The following FLACC1 variants were observed in gnomAD, a reference collection of about 807,000 sequenced individuals.
FLACC1 encodes the protein flagellum associated containing coiled-coil domains 1, also known as flagellum-associated coiled-coil domain-containing protein 1.
Under a neutral mutation model 62.8 loss-of-function variants are expected in FLACC1, and 66 were observed. The ratio of observed to expected loss-of-function variants is 1.05; its 90% CI spans 0.86 to 1.29. The LOEUF is 1.29. Ranked by LOEUF, FLACC1 falls within the 50% of genes most tolerant of loss-of-function variation. FLACC1 has a pLI of 0.00. For missense variants in FLACC1, 452 were observed against 489.1 expected, an observed-to-expected ratio of 0.92 and a Z score of 0.71; for synonymous variants, 156 against 161.0, an observed-to-expected ratio of 0.97 and a Z score of 0.24.
Position 201,290,891 on chromosome 2 carries a change from T to A in FLACC1, c.943-1106A>T, listed in dbSNP as rs893935734. On this transcript the variant is annotated intron_variant, in intron 12 of 14. Transcript: ENST00000392257. ...ACACCAGAAGATTGTATCCCATGCC[T>A]GGCTCATAAGGTCCTACGCCCACGG... Among the ~76,000 whole-genome samples, 7 of 152,356 alleles carry A rather than the reference T, an allele frequency of 4.6e-5. No homozygotes were observed. The East Asian group carries it at 1.3e-3, about 29-fold the overall frequency.
rs748422130 is a variant in FLACC1 at position 201,309,211 on chromosome 2, G to T, written c.715C>A (p.Gln239Lys). The T allele has an allele frequency of 4.3e-6, 7 of 1,614,064 alleles. No homozygotes were observed. The South Asian group carries it at 6.6e-5, about 15-fold the overall frequency. ...TCATCCTTCTTCCATTTCGCCTTCT[G>T]TTTTGACCACTTCTCTTCCATTTCA... Reference protein sequence around the residue: ...YDEMEEKWSKQKAKWKKDEKF... With the variant: ...YDEMEEKWSKKKAKWKKDEKF... The change falls in exon 10 of 15, where the codon CAG becomes AAG. Residue 239 changes from glutamine (Q) to lysine (K), a missense_variant. By Grantham distance (53) the Gln-to-Lys change is moderately conservative. This residue lies in a region of FLACC1 where 301 missense variants were observed against 318.4 expected (regional missense o/e 0.95). Transcript: ENST00000392257.
At chr2:201,306,932 A>ATCT (rs1322020480) in intron 11 of FLACC1, among the ~76,000 whole-genome samples, 2 of 152,238 alleles carry the variant, frequency 1.3e-5, no homozygotes, top group African/African-American at 2.4e-5. Context: ...GCATATGAGA[A>ATCT]AATGCCCAAC....
intron 9 of FLACC1, among the ~76,000 whole-genome samples, chr2:201,321,880 T>C (rs1468857923): frequency 6.6e-6 from 1 of 152,146 alleles, no homozygotes; most frequent in Non-Finnish European, 1.5e-5. Flanking sequence ...CACTGGGTAT[T>C]GCATTTACCC....
intron 12 of FLACC1, among the ~76,000 whole-genome samples, chr2:201,297,516 G>A (rs758252844): frequency 1.4e-4 from 21 of 152,200 alleles, no homozygotes; most frequent in Non-Finnish European, 2.9e-4. Context: ...AGAAGCCCAT[G>A]AAAGCTAAGA....
intron 12 of FLACC1, among the ~76,000 whole-genome samples, chr2:201,296,889 T>C (rs1324397410): frequency 6.6e-6 from 1 of 152,094 alleles, no homozygotes; most frequent in Non-Finnish European, 1.5e-5. Context: ...GGGGATGGAT[T>C]GGAAGGGCAA....
Position 201,350,732 on chromosome 2 carries a change from G to T in FLACC1, c.164C>A (p.Thr55Lys). Residue 55 changes from threonine (T) to lysine (K), a missense_variant, in exon 3 of 15, where the codon ACA becomes AAA. Physicochemically the swap from Thr to Lys is moderately conservative, Grantham distance 78 (BLOSUM62 -1). Transcript: ENST00000392257. Reference protein sequence around the residue: ...APKNHNYLQPTKPVVSPKMKI... With the variant: ...APKNHNYLQPKKPVVSPKMKI... ...TTACTTTGGGGAAACAACAGGTTTT[G>T]TTGGTTGGAGGTAATTGTGATTTTT... 1 of 1,613,722 alleles carries T rather than the reference G, an allele frequency of 6.2e-7. No individual in the cohort carries two copies. Among genetic ancestry groups the T allele is most frequent in the Non-Finnish European group, 8.5e-7 (1 of 1,179,646 alleles).
At chr2:201,345,890 C>T (rs760209287) in intron 5 of FLACC1, among the ~76,000 whole-genome samples, 8 of 152,096 alleles carry the variant, frequency 5.3e-5, no homozygotes, top group South Asian at 2.1e-4. Flanking sequence ...AGAGGCTGGG[C>T]GCAGTGGCTC....
intron 9 of FLACC1, among the ~76,000 whole-genome samples, chr2:201,322,237 C>T (rs563660094): frequency 6.7e-6 from 1 of 150,020 alleles, no homozygotes; most frequent in South Asian, 2.1e-4. Flanking sequence ...GCACTCCAGC[C>T]TGGGCAACAG....
chr2:201,316,814 T>C (rs1380097696), intron 9 of FLACC1, among the ~76,000 whole-genome samples: 1 of 152,162 alleles, frequency 6.6e-6, no homozygotes, highest in Non-Finnish European at 1.5e-5. Context: ...AACAAAATAC[T>C]GGCTAACTGA....
intron 9 of FLACC1, among the ~76,000 whole-genome samples, chr2:201,317,754 C>T (rs565013680): frequency 1.3e-5 from 2 of 152,032 alleles, no homozygotes; most frequent in East Asian, 3.9e-4. Context: ...CAAGACTAAG[C>T]AAAACAAAAC....
chr2:201,307,369 G>A (rs765860605), intron 11 of FLACC1, 150 bp downstream of exon 11: 9 of 662,174 alleles, frequency 1.4e-5, no homozygotes, highest in Non-Finnish European at 2.2e-5. Context: ...AAGACTGTCA[G>A]TCTATTTGCA....
chr2:201,344,230 G>A lies in FLACC1; in HGVS notation c.402C>T (p.Ile134=). ...GTTCAATTATTGCTGTCAGCTCTGA[G>A]ATTTGCTCTTCTAGGTCAGAAATGA... is the stretch of plus-strand genomic sequence containing the variant. ...TNIISDLEEQ[I]SELTAIIEQM... Residue 134 remains isoleucine, a synonymous_variant, in exon 6 of 15, where the codon ATC becomes ATT. Coordinates refer to ENST00000392257, the MANE Select transcript of FLACC1 (RefSeq NM_001127391.3). 1 of 1,613,934 alleles carries A rather than the reference G, an allele frequency of 6.2e-7. No individual in the cohort carries two copies. The highest frequency in any genetic ancestry group is 1.1e-5 in the South Asian group (1 of 91,030).
chr2:201,303,930 C>T (rs1576422883), intron 11 of FLACC1, among the ~76,000 whole-genome samples: 1 of 152,128 alleles, frequency 6.6e-6, no homozygotes, highest in Non-Finnish European at 1.5e-5. Flanking sequence ...GGACGTATCT[C>T]AAAATAATAA....
chr2:201,289,688 G>A lies in FLACC1; in HGVS notation c.1032+8C>T, dbSNP rs1949685983. Reference sequence around the variant, plus strand: ...CCAACCCCCATCCCCACTCCAGTAGGGACTCACCTCTTTCTGGAGTTCCAA... The same window carrying A: ...CCAACCCCCATCCCCACTCCAGTAGAGACTCACCTCTTTCTGGAGTTCCAA... On this transcript the variant is annotated splice_region_variant and intron_variant, in intron 13 of 14. Transcript: ENST00000392257. 6.2e-7 allele frequency: 1 copy of A among 1,613,308 alleles called. No individual in the cohort carries two copies. The highest frequency in any genetic ancestry group is 2.2e-5 in the East Asian group (1 of 44,876).
At chr2:201,303,316 A>G (rs1363919573) in intron 11 of FLACC1, among the ~76,000 whole-genome samples, 1 of 152,222 alleles carries the variant, frequency 6.6e-6, no homozygotes, top group Non-Finnish European at 1.5e-5. Flanking sequence ...ATGCAAATAA[A>G]CTAGAAAATC....
chr2:201,311,361 C>T (rs992784182), intron 9 of FLACC1, among the ~76,000 whole-genome samples: 2 of 152,080 alleles, frequency 1.3e-5, no homozygotes, highest in Admixed American at 1.3e-4. Context: ...GCCAATATCC[C>T]TATGAACATA....
chr2:201,356,785 T>G (rs1304234056), intron 1 of FLACC1, among the ~76,000 whole-genome samples, 197 bp downstream of exon 1: 2 of 151,278 alleles, frequency 1.3e-5, no homozygotes, highest in African/African-American at 4.8e-5. Context: ...GCTCTAATTA[T>G]AGAGGGGTGT....
chr2:201,350,642 C>T, intron 3 of FLACC1, 69 bp downstream of exon 3: 1 of 1,393,066 alleles, frequency 7.2e-7, no homozygotes, highest in East Asian at 2.4e-5. Context: ...GGTTACACCA[C>T]TGCACTCTAG....
chr2:201,289,636 A>G, intron 13 of FLACC1, 60 bp downstream of exon 13: 1 of 1,611,490 alleles, frequency 6.2e-7, no homozygotes, highest in South Asian at 1.1e-5. Flanking sequence ...TATATGGCAG[A>G]GCTGGATGGA....
Sources: gnomAD v4.1 joint callset for allele counts (sites outside exome capture counted in the v4.1 genomes callset) on GRCh38, gnomAD v4.1.1 for gene constraint, gnomAD v4.1.1 regional missense constraint, MANE v1.5 for transcripts, NCBI Gene and HGNC (gene_info 2026-07-23, HGNC 2026-07-21) for gene names.